TMEM132D: variants seen among roughly 807,000 people sequenced by gnomAD.
The protein encoded by TMEM132D is transmembrane protein 132D.
In TMEM132D, 21 loss-of-function variants were observed where a neutral mutation model predicts 62.3. That is an observed-to-expected ratio of 0.34 (90% CI 0.24 to 0.49). TMEM132D has a LOEUF of 0.49. Among genes scored for constraint, TMEM132D ranks in the 20% least tolerant of loss-of-function variants. The probability of loss-of-function intolerance (pLI) is 0.99; values close to 1 mark genes in which losing one functional copy is unlikely to be tolerated. For synonymous variants in TMEM132D, 621 were observed against 575.6 expected, an observed-to-expected ratio of 1.08 and a Z score of -1.13; for missense variants, 1,346 against 1,402.8, an observed-to-expected ratio of 0.96 and a Z score of 0.65.
At chr12:129,608,121 G>A (rs1878678398) in intron 2 of TMEM132D, among the ~76,000 whole-genome samples, 1 of 152,174 alleles carries the variant, frequency 6.6e-6, no homozygotes, top group African/African-American at 2.4e-5. Flanking sequence ...TCACTGTGAA[G>A]GAACAGCGAA....
At chr12:129,695,397 A>G (rs539738637) in intron 2 of TMEM132D, among the ~76,000 whole-genome samples, 2 of 152,356 alleles carry the variant, frequency 1.3e-5, no homozygotes, top group Admixed American at 6.5e-5. Context: ...CAATAAGTTC[A>G]CAAGTTTTTT....
At chr12:129,462,239 C>T (rs986256981) in intron 3 of TMEM132D, among the ~76,000 whole-genome samples, 2 of 151,912 alleles carry the variant, frequency 1.3e-5, no homozygotes, top group African/African-American at 4.8e-5. Flanking sequence ...AAGGGAGTGT[C>T]GGGGATGTGG....
chr12:129,167,214 G>A (rs560446179), intron 5 of TMEM132D, among the ~76,000 whole-genome samples: 9 of 151,182 alleles, frequency 6.0e-5, no homozygotes, highest in Non-Finnish European at 1.2e-4. Flanking sequence ...ACAGAGCTCA[G>A]GAACCTAGAA....
chr12:129,842,626 G>A (rs781290162), intron 1 of TMEM132D, among the ~76,000 whole-genome samples: 4 of 151,816 alleles, frequency 2.6e-5, no homozygotes, highest in Non-Finnish European at 5.9e-5. Flanking sequence ...ATGACACCAT[G>A]CCCAGCTTAT....
intron 1 of TMEM132D, among the ~76,000 whole-genome samples, chr12:129,798,660 G>A (rs1334248093): frequency 6.6e-6 from 1 of 151,818 alleles, no homozygotes; most frequent in Non-Finnish European, 1.5e-5. Context: ...TCCCCTACCT[G>A]GGCGAGCATC....
At chr12:129,110,064 C>T (rs1297608058) in intron 5 of TMEM132D, 1 of 152,396 alleles carries the variant, frequency 6.6e-6, no homozygotes. Flanking sequence ...CAAGGATTCC[C>T]AGTGCTTCCT....
At chr12:129,469,443 C>T (rs879932454) in intron 3 of TMEM132D, among the ~76,000 whole-genome samples, 2 of 152,218 alleles carry the variant, frequency 1.3e-5, no homozygotes, top group Non-Finnish European at 2.9e-5. Flanking sequence ...GGCCAGCCAT[C>T]TGTGTTTTAC....
intron 2 of TMEM132D, among the ~76,000 whole-genome samples, chr12:129,669,447 G>A (rs1231855022): frequency 6.6e-6 from 1 of 152,168 alleles, no homozygotes; most frequent in African/African-American, 2.4e-5. Flanking sequence ...GCTCACACCT[G>A]TAATCCCAGC....
chr12:129,336,712 T>C (rs1057283971), intron 4 of TMEM132D, among the ~76,000 whole-genome samples: 2 of 151,692 alleles, frequency 1.3e-5, no homozygotes, highest in Non-Finnish European at 2.9e-5. Context: ...AACGATGGGG[T>C]TTAGAAGAGG....
intron 1 of TMEM132D, among the ~76,000 whole-genome samples, chr12:129,810,713 T>C (rs941934832): frequency 2.0e-5 from 3 of 152,312 alleles, no homozygotes; most frequent in African/African-American, 7.2e-5. Flanking sequence ...AGTGGTATCA[T>C]TCCAGGAATA....
chr12:129,465,642 T>C (rs931431675), intron 3 of TMEM132D, among the ~76,000 whole-genome samples: 3 of 152,224 alleles, frequency 2.0e-5, no homozygotes, highest in Non-Finnish European at 2.9e-5. Context: ...AGCATTCTTA[T>C]ACACCAATAA....
chr12:129,522,777 GGT>G (rs1875889228), intron 3 of TMEM132D: 1 of 151,738 alleles, frequency 6.6e-6, no homozygotes, highest in Non-Finnish European at 1.5e-5. Flanking sequence ...TAGATTTTAC[GGT>G]GTGTGTATAT....
chr12:129,326,921 G>A (rs1330451118), intron 4 of TMEM132D, among the ~76,000 whole-genome samples: 2 of 151,880 alleles, frequency 1.3e-5, no homozygotes, highest in Non-Finnish European at 2.9e-5. Context: ...TTGGGGGCAG[G>A]AACAGCACCG....
At chr12:129,446,637 T>C (rs1593012276) in intron 3 of TMEM132D, among the ~76,000 whole-genome samples, 1 of 152,188 alleles carries the variant, frequency 6.6e-6, no homozygotes, top group African/African-American at 2.4e-5. Flanking sequence ...TGAGCAGAGA[T>C]GAATGATAAA....
At chr12:129,250,590 C>T (rs1019106538) in intron 4 of TMEM132D, among the ~76,000 whole-genome samples, 3 of 152,196 alleles carry the variant, frequency 2.0e-5, no homozygotes, top group African/African-American at 7.2e-5. Context: ...TTCAACTGTC[C>T]TTCCTCTTAG....
intron 4 of TMEM132D, among the ~76,000 whole-genome samples, chr12:129,286,788 C>G (rs1881309580): frequency 6.6e-6 from 1 of 152,110 alleles, no homozygotes; most frequent in African/African-American, 2.4e-5. Context: ...TGGCTTATGC[C>G]TGTAATCCCA....
chr12:129,681,288 A>G (rs1880771973), intron 2 of TMEM132D: 1 of 152,236 alleles, frequency 6.6e-6, no homozygotes, highest in Non-Finnish European at 1.5e-5. Context: ...AAAATGCCAC[A>G]GCTTTATTCT....
intron 1 of TMEM132D, among the ~76,000 whole-genome samples, chr12:129,799,407 GTATATATA>G (rs1328541032): frequency 8.0e-5 from 12 of 150,870 alleles, no homozygotes; most frequent in Admixed American, 2.0e-4. Flanking sequence ...TATTATATAT[GTATATATA>G]TGTGTATATA....
At chr12:129,668,147 T>C (rs1880420632) in intron 2 of TMEM132D, among the ~76,000 whole-genome samples, 1 of 150,886 alleles carries the variant, frequency 6.6e-6, no homozygotes, top group Non-Finnish European at 1.5e-5. Context: ...TGGTTTACTT[T>C]GGACTGTATT....
Sources: allele counts gnomAD v4.1 joint callset (sites outside exome capture counted in the v4.1 genomes callset), GRCh38; gene constraint gnomAD v4.1.1; transcripts MANE v1.5; gene names NCBI Gene and HGNC (gene_info 2026-07-23, HGNC 2026-07-21).